Variants in LPO observed in about 807,000 individuals in gnomAD.
LPO encodes lactoperoxidase.
LPO carries 70 observed loss-of-function variants against 68.4 expected under a neutral mutation model. That is an observed-to-expected ratio of 1.02 (90% CI 0.84 to 1.25). The LOEUF (loss-of-function observed/expected upper bound fraction) is 1.25. Among genes scored for constraint, LPO ranks in the 50% most tolerant of loss-of-function variants. The pLI, the probability that LPO is intolerant of heterozygous loss-of-function variation, is 0.00. For missense variants in LPO, 873 were observed against 908.4 expected, an observed-to-expected ratio of 0.96 and a Z score of 0.50; for synonymous variants, 360 against 357.6, an observed-to-expected ratio of 1.01 and a Z score of -0.08.
intron 7 of LPO, chr17:58,251,912 T>C (rs1380282503): frequency 2.9e-6 from 2 of 700,968 alleles, no homozygotes; most frequent in African/African-American, 1.7e-5. Context: ...GGGAGCTCAA[T>C]ACTCCCTCCT....
intron 8 of LPO, 147 bp downstream of exon 8, chr17:58,252,653 C>G: frequency 1.1e-5 from 8 of 731,768 alleles, no homozygotes; most frequent in Non-Finnish European, 1.5e-5. Context: ...AGCAGAAGGG[C>G]CCAGATGAAT....
In LPO at chr17:58,238,742, A is replaced by G. The variant is rs891495736; in HGVS notation, c.-3+3A>G. ...TGAAAAGACAAGGCACTGGGCAGGT[A>G]AGACTCGTCAACTTTCATCTTTCCT... is the stretch of plus-strand genomic sequence containing the variant. On this transcript the variant is annotated splice_donor_region_variant and intron_variant, in intron 1 of 12. Coordinates refer to ENST00000262290, the MANE Select transcript of LPO (RefSeq NM_006151.3). 2.6e-5 allele frequency: 4 copies of G among 152,182 alleles called. No homozygotes were observed. The East Asian group carries it at 7.7e-4, about 29-fold the overall frequency. The allele number at this position is 152,182 out of a possible 1,614,324, so 9.4% of individuals were successfully genotyped here. A position where few individuals can be genotyped will look rare whatever the true frequency, so the allele number is the denominator to read the frequency against.
In LPO at chr17:58,265,821, G is replaced by C. The variant is rs1970252902; in HGVS notation, c.1520-332G>C. Among the ~76,000 whole-genome samples the C allele has an allele frequency of 3.3e-5, 5 of 151,882 alleles. No individual in the cohort carries two copies. The South Asian group carries it at 1.0e-3, about 31-fold the overall frequency. On this transcript the variant is annotated intron_variant, in intron 10 of 12. Transcript: ENST00000262290. ...GCTGGTCCCAAACTCCTGGGCTCAA[G>C]CAGTCTTCCCACCTTGGCCTCCCAA...
chr17:58,256,002 C>T (rs918689397), intron 9 of LPO, among the ~76,000 whole-genome samples: 34 of 152,186 alleles, frequency 2.2e-4, no homozygotes, highest in African/African-American at 8.0e-4. Flanking sequence ...TTCATAGCCA[C>T]ATCCACCCTC....
chr17:58,253,045 AAAAGAAAG>A (rs1555605178), intron 8 of LPO, among the ~76,000 whole-genome samples: 3 of 145,652 alleles, frequency 2.1e-5, no homozygotes, highest in African/African-American at 5.0e-5. Context: ...AAAAAAAAAA[AAAAGAAAG>A]AAAGAAAGAA....
rs1423459076 is a variant in LPO at position 58,267,297 on chromosome 17, G to A, written c.1694-52G>A. ...TGGAGTGGACATGGCCCCAAAGGAGGCTGTGAACAGGAAGTCCCCGGGATG... is the reference window on the plus strand; with the variant it reads ...TGGAGTGGACATGGCCCCAAAGGAGACTGTGAACAGGAAGTCCCCGGGATG... On this transcript the variant is annotated intron_variant, in intron 11 of 12. Coordinates refer to ENST00000262290, the MANE Select transcript of LPO (RefSeq NM_006151.3). 22 of 1,446,172 alleles carry A rather than the reference G, an allele frequency of 1.5e-5. 1 individual carries two copies. The highest frequency in any genetic ancestry group is 2.1e-5 in the Non-Finnish European group (22 of 1,031,432). The allele number at this position is 1,446,172 out of a possible 1,614,324, so 89.6% of individuals were successfully genotyped here.
intron 5 of LPO, 98 bp from the exon 6 acceptor site, chr17:58,249,468 C>T (rs1359036537): frequency 5.6e-5 from 83 of 1,494,650 alleles, no homozygotes; most frequent in Non-Finnish European, 6.9e-5. Context: ...TCTGCGTCCC[C>T]TCCGCCTCGA....
chr17:58,256,762 G>T (rs1970080292), intron 9 of LPO, among the ~76,000 whole-genome samples: 1 of 151,170 alleles, frequency 6.6e-6, no homozygotes, highest in East Asian at 2.0e-4. Flanking sequence ...AGGAGGCGGA[G>T]GTTGCAGTGA....
Position 58,252,243 on chromosome 17 carries a change from G to C in LPO, c.842G>C (p.Gly281Ala), listed in dbSNP as rs1222105889. The change falls in exon 8 of 13, where the codon GGG becomes GCG. Residue 281 changes from glycine to alanine, a missense_variant. By Grantham distance (60) the Gly-to-Ala change is moderately conservative. Coordinates refer to ENST00000262290, the MANE Select transcript of LPO (RefSeq NM_006151.3). ...AAATGCATGCCTTTCTTCCGAGCTG[G>C]GTTCGTCTGCCCCACTCCACCCTAC... is the stretch of plus-strand genomic sequence containing the variant. ...QGKCMPFFRAGFVCPTPPYKS... is the reference protein window; with the variant it reads ...QGKCMPFFRAAFVCPTPPYKS... The C allele has an allele frequency of 6.2e-6, 10 of 1,614,150 alleles. No individual in the cohort carries two copies. Among genetic ancestry groups the C allele is most frequent in the Non-Finnish European group, 8.5e-6 (10 of 1,180,028 alleles).
chr17:58,264,318 T>G (rs908840121), intron 9 of LPO, among the ~76,000 whole-genome samples: 2 of 152,254 alleles, frequency 1.3e-5, no homozygotes, highest in Non-Finnish European at 1.5e-5. Context: ...GGAGATTGGA[T>G]GAACTTTCCT....
chr17:58,252,253 C>T lies in LPO; in HGVS notation c.852C>T (p.Cys284=). ...CTTTCTTCCGAGCTGGGTTCGTCTGCCCCACTCCACCCTACAAGTCCCTGG... is the reference window on the plus strand; with the variant it reads ...CTTTCTTCCGAGCTGGGTTCGTCTGTCCCACTCCACCCTACAAGTCCCTGG... ...CMPFFRAGFV[C]PTPPYKSLAR... Residue 284 remains cysteine, a synonymous_variant, in exon 8 of 13, where the codon TGC becomes TGT. Coordinates refer to ENST00000262290, the MANE Select transcript of LPO (RefSeq NM_006151.3). The T allele has an allele frequency of 6.2e-7, 1 of 1,614,202 alleles. No individual in the cohort carries two copies. Among genetic ancestry groups the T allele is most frequent in the Non-Finnish European group, 8.5e-7 (1 of 1,180,038 alleles).
At chr17:58,265,388 C>G (rs1332215000) in intron 10 of LPO, among the ~76,000 whole-genome samples, 3 of 152,036 alleles carry the variant, frequency 2.0e-5, no homozygotes, top group African/African-American at 7.3e-5. Flanking sequence ...CATAGAGGTG[C>G]CAGAGGTTGG....
intron 9 of LPO, among the ~76,000 whole-genome samples, chr17:58,256,393 G>A (rs948566408): frequency 2.0e-5 from 3 of 150,360 alleles, no homozygotes; most frequent in African/African-American, 7.4e-5. Flanking sequence ...CACATGGTAA[G>A]TCCATTTTTA....
chr17:58,268,205 T>C lies in LPO; in HGVS notation c.*211T>C. ...CACTCAGCTCCAGTGGCTTCTCCTT[T>C]CTGTCAAGACTTAGCCCCGCTGAGA... On this transcript the variant is annotated 3_prime_UTR_variant, in exon 13 of 13. Coordinates refer to ENST00000262290, the MANE Select transcript of LPO (RefSeq NM_006151.3). 1.7e-6 allele frequency: 1 copy of C among 579,298 alleles called. No individual in the cohort carries two copies. Among genetic ancestry groups the C allele is most frequent in the South Asian group, 2.0e-5 (1 of 49,334 alleles). 35.9% of individuals were successfully genotyped at this position (579,298 alleles called of 1,614,324 possible).
chr17:58,248,714 T>TC (rs1969897459), intron 4 of LPO, among the ~76,000 whole-genome samples: 1 of 151,996 alleles, frequency 6.6e-6, no homozygotes, highest in Non-Finnish European at 1.5e-5. Context: ...ATGCTTAACC[T>TC]CCCGGGGTAT....
chr17:58,267,331 TCA>T lies in LPO; in HGVS notation c.1694-17_1694-16del, dbSNP rs750353552. On this transcript the variant is annotated splice_polypyrimidine_tract_variant and intron_variant, in intron 11 of 12. Transcript: ENST00000262290. ...AGGAAGTCCCCGGGATGAGACAGCC[TCA>T]GTCTCTCCACCCTAGGGTACAATTC... The T allele has an allele frequency of 6.3e-7, 1 of 1,596,194 alleles. No individual in the cohort carries two copies. Among genetic ancestry groups the T allele is most frequent in the Non-Finnish European group, 8.6e-7 (1 of 1,163,994 alleles).
At chr17:58,241,849 G>A (rs1424248171) in intron 1 of LPO, among the ~76,000 whole-genome samples, 1 of 152,182 alleles carries the variant, frequency 6.6e-6, no homozygotes, top group Non-Finnish European at 1.5e-5. Flanking sequence ...AGGTCTCCTG[G>A]TCTGGCCTAT....
Position 58,261,321 on chromosome 17 carries a change from A to T in LPO, c.1267-3401A>T, listed in dbSNP as rs1281092201. Among the ~76,000 whole-genome samples, 4 of 152,198 alleles carry T rather than the reference A, an allele frequency of 2.6e-5. No homozygotes were observed. In the East Asian group the frequency reaches 7.7e-4, roughly 29 times the overall value. Reference sequence around the variant, plus strand: ...GCTTTAAAGTTCTGTTGTTTGATCCATATCATTTAGGATTGCTTCATCTTC... The same window carrying T: ...GCTTTAAAGTTCTGTTGTTTGATCCTTATCATTTAGGATTGCTTCATCTTC... On this transcript the variant is annotated intron_variant, in intron 9 of 12. Transcript: ENST00000262290.
chr17:58,257,768 A>AT (rs1970099149), intron 9 of LPO, among the ~76,000 whole-genome samples: 1 of 152,158 alleles, frequency 6.6e-6, no homozygotes, highest in South Asian at 2.1e-4. Context: ...ACAGTGCCAA[A>AT]TGTGTTCTCC....
Sources: allele counts gnomAD v4.1 joint callset (sites outside exome capture counted in the v4.1 genomes callset), GRCh38; gene constraint gnomAD v4.1.1; transcripts MANE v1.5; gene names NCBI Gene and HGNC (gene_info 2026-07-23, HGNC 2026-07-21).